AKAP19: variants seen among roughly 807,000 people sequenced by gnomAD.
AKAP19 encodes the protein small A-kinase anchoring protein.
chr2:190,118,712 T>G, the AKAP19 span, among the ~76,000 whole-genome samples: 9 of 152,210 alleles, frequency 5.9e-5, no homozygotes, highest in Non-Finnish European at 8.8e-5. Flanking sequence ...TTGATGGGAC[T>G]TATCTCAAAA....
chr2:190,163,437 A>C, the AKAP19 span, among the ~76,000 whole-genome samples: 1 of 137,330 alleles, frequency 7.3e-6, no homozygotes, highest in Non-Finnish European at 1.6e-5. Flanking sequence ...CCGTCTCAAA[A>C]AAACAAAAAA....
chr2:190,114,016 T>C, the AKAP19 span, among the ~76,000 whole-genome samples: 38 of 152,302 alleles, frequency 2.5e-4, no homozygotes, highest in Non-Finnish European at 4.9e-4. Context: ...TGAAAGTTAC[T>C]CTTATTTTAC....
chr2:190,066,061 C>T, the AKAP19 span, among the ~76,000 whole-genome samples: 31 of 152,046 alleles, frequency 2.0e-4, 1 homozygote, highest in Admixed American at 1.5e-3. Flanking sequence ...GGGAGAGCTG[C>T]GTCTATCAGC....
chr2:189,951,410 C>T, the AKAP19 span, among the ~76,000 whole-genome samples: 1 of 151,982 alleles, frequency 6.6e-6, no homozygotes, highest in East Asian at 1.9e-4. Flanking sequence ...CCATGTTGGC[C>T]AGGGCTGGTC....
chr2:189,914,413 T>C, the AKAP19 span, among the ~76,000 whole-genome samples: 3 of 152,218 alleles, frequency 2.0e-5, no homozygotes, highest in Non-Finnish European at 1.5e-5. Context: ...TTAAAAATTT[T>C]ATTTGTTTAT....
At chr2:189,941,911 A>G in the AKAP19 span, among the ~76,000 whole-genome samples, 1 of 152,218 alleles carries the variant, frequency 6.6e-6, no homozygotes, top group South Asian at 2.1e-4. Flanking sequence ...TATGCTGCCT[A>G]TGAGAAACCC....
the AKAP19 span, among the ~76,000 whole-genome samples, chr2:190,025,205 A>G: frequency 2.0e-5 from 3 of 152,134 alleles, no homozygotes; most frequent in Non-Finnish European, 4.4e-5. Context: ...TGTTCTTTCT[A>G]AAAGTAGTTG....
chr2:190,180,627 G>T, the AKAP19 span: 4 of 985,610 alleles, frequency 4.1e-6, no homozygotes, highest in East Asian at 4.5e-4. This position sits in a 1 kb window ranked among gnomAD's most constrained non-coding sequence, Gnocchi z 6.8. Context: ...GCCCAGCTCC[G>T]CTCCGCCCGC....
chr2:189,895,338 T>C, the AKAP19 span, among the ~76,000 whole-genome samples: 1 of 152,178 alleles, frequency 6.6e-6, no homozygotes, highest in Non-Finnish European at 1.5e-5. Flanking sequence ...TATTTTTATT[T>C]TTAACACTGA....
At chr2:190,033,544 C>A in the AKAP19 span, among the ~76,000 whole-genome samples, 1 of 152,206 alleles carries the variant, frequency 6.6e-6, no homozygotes, top group African/African-American at 2.4e-5. Context: ...GAGGATGGGA[C>A]AAAACCAATT....
chr2:189,933,856 C>A, the AKAP19 span, among the ~76,000 whole-genome samples: 2 of 151,768 alleles, frequency 1.3e-5, no homozygotes, highest in South Asian at 4.2e-4. Context: ...CTTGATATGC[C>A]CCAAATGAAT....
At chr2:190,054,697 CATT>C in the AKAP19 span, among the ~76,000 whole-genome samples, 8 of 152,158 alleles carry the variant, frequency 5.3e-5, no homozygotes, top group Admixed American at 1.3e-4. Flanking sequence ...CAAAAGAAGA[CATT>C]TATGCAGCCA....
the AKAP19 span, among the ~76,000 whole-genome samples, chr2:189,883,228 G>A: frequency 6.6e-6 from 1 of 152,092 alleles, no homozygotes; most frequent in Non-Finnish European, 1.5e-5. Context: ...TCCAGATGAT[G>A]CTAATGCTAC....
At chr2:190,096,714 C>T in the AKAP19 span, among the ~76,000 whole-genome samples, 3 of 152,240 alleles carry the variant, frequency 2.0e-5, no homozygotes, top group Non-Finnish European at 2.9e-5. Context: ...TATTTTTAAA[C>T]AATGTATTTT....
At chr2:189,917,664 G>T in the AKAP19 span, 1 of 295,750 alleles carries the variant, frequency 3.4e-6, no homozygotes, top group Non-Finnish European at 6.5e-6. Flanking sequence ...TTCTATTTCG[G>T]TATCATTACC....
At chr2:190,123,241 T>C in the AKAP19 span, among the ~76,000 whole-genome samples, 2 of 152,252 alleles carry the variant, frequency 1.3e-5, no homozygotes, top group Non-Finnish European at 2.9e-5. Context: ...TAAGCATATA[T>C]TTAAGAATTT....
At chr2:189,961,949 T>C in the AKAP19 span, among the ~76,000 whole-genome samples, 1 of 151,924 alleles carries the variant, frequency 6.6e-6, no homozygotes, top group African/African-American at 2.4e-5. Context: ...CGAGGGTATA[T>C]TTAAAACCAC....
chr2:190,066,758 G>T, the AKAP19 span, among the ~76,000 whole-genome samples: 4 of 152,140 alleles, frequency 2.6e-5, no homozygotes, highest in African/African-American at 9.7e-5. Context: ...CTTTACTGTT[G>T]ATGTTTTATG....
the AKAP19 span, among the ~76,000 whole-genome samples, chr2:190,058,367 A>G: frequency 2.0e-5 from 3 of 152,036 alleles, no homozygotes; most frequent in African/African-American, 7.2e-5. Flanking sequence ...ACCTATAAAA[A>G]GGAACACTTT....
Sources: allele counts gnomAD v4.1 joint callset (sites outside exome capture counted in the v4.1 genomes callset), GRCh38; gene constraint gnomAD v4.1.1; non-coding constraint Gnocchi (gnomAD v3.1); transcripts MANE v1.5; gene names NCBI Gene and HGNC (gene_info 2026-07-23, HGNC 2026-07-21).